The following CMYA5 variants were observed in gnomAD, a reference collection of about 807,000 sequenced individuals.
The protein encoded by CMYA5 is cardiomyopathy associated 5, also known as cardiomyopathy-associated protein 5.
A neutral mutation model predicts 318.9 loss-of-function variants in CMYA5; 246 were observed. That is an observed-to-expected ratio of 0.77 (90% CI 0.70 to 0.86). CMYA5 has a LOEUF of 0.86. Among genes scored for constraint, CMYA5 ranks in the 40% least tolerant of loss-of-function variants. The probability of loss-of-function intolerance (pLI) is 0.00; values close to 1 mark genes in which losing one functional copy is unlikely to be tolerated. For missense variants in CMYA5, 4,589 were observed against 4,678.2 expected (o/e 0.98, Z 0.56); for synonymous variants, 1,641 against 1,729.5 (o/e 0.95, Z 1.27).
intron 1 of CMYA5, among the ~76,000 whole-genome samples, chr5:79,727,463 A>G (rs978168325): frequency 6.6e-6 from 1 of 152,232 alleles, no homozygotes; most frequent in African/African-American, 2.4e-5. Context: ...ATCTAACTGT[A>G]GATTTTTTTT....
At chr5:79,719,594 T>C (rs185057897) in intron 1 of CMYA5, among the ~76,000 whole-genome samples, 1 of 152,310 alleles carries the variant, frequency 6.6e-6, no homozygotes, top group East Asian at 1.9e-4. Context: ...CACCAGCAAA[T>C]GTATTAAAGC....
At chr5:79,702,241 T>A (rs890497896) in intron 1 of CMYA5, among the ~76,000 whole-genome samples, 9 of 152,080 alleles carry the variant, frequency 5.9e-5, no homozygotes, top group Non-Finnish European at 1.0e-4. Flanking sequence ...TACAAAAAAA[T>A]TTAAAAATTA....
At chr5:79,713,291 C>T (rs901664361) in intron 1 of CMYA5, among the ~76,000 whole-genome samples, 23 of 77,926 alleles carry the variant, frequency 3.0e-4, no homozygotes, top group African/African-American at 9.8e-4. Flanking sequence ...CACCCCGCTG[C>T]ACCCCGCCCC....
chr5:79,787,335 G>T (rs569850145), intron 9 of CMYA5, among the ~76,000 whole-genome samples: 17 of 152,146 alleles, frequency 1.1e-4, no homozygotes, highest in African/African-American at 4.1e-4. Flanking sequence ...TTCAGTTCAG[G>T]CTGACTATGC....
chr5:79,752,026 A>G (rs1392869197), intron 5 of CMYA5, among the ~76,000 whole-genome samples: 2 of 152,342 alleles, frequency 1.3e-5, no homozygotes, highest in East Asian at 3.9e-4. Flanking sequence ...ATCTGGATAC[A>G]AATACTTAGA....
Position 79,730,521 on chromosome 5 carries a change from G to A in CMYA5, c.1756G>A (p.Ala586Thr). Residue 586 changes from alanine to threonine, a missense_variant, in exon 2 of 13, where the codon GCA becomes ACA. Coordinates refer to ENST00000446378, the MANE Select transcript of CMYA5 (RefSeq NM_153610.5). The stretch of plus-strand genomic sequence containing the variant: ...GTCTGAGGAAGAAAGAGAGGAAATT[G>A]CATCTGTTTCTACTGGTTCTGCTTT... ...ALSEEEREEI[A>T]SVSTGSAFVS... The A allele has an allele frequency of 6.2e-7, 1 of 1,613,920 alleles. No individual in the cohort carries two copies. The highest frequency in any genetic ancestry group is 1.3e-5 in the African/African-American group (1 of 75,044).
At position 79,689,881 on chromosome 5, in the gene CMYA5, G is replaced by C. The variant is rs1166478330; in HGVS notation, c.-27G>C. ...GCGCGGCGCGGGCGGCTCCGGCTCC[G>C]GCCCCGGCCCAGGCCCGGGAGAGGC... On this transcript the variant is annotated 5_prime_UTR_variant, in exon 1 of 13. Coordinates refer to ENST00000446378, the MANE Select transcript of CMYA5 (RefSeq NM_153610.5). The C allele has an allele frequency of 1.4e-6, 1 of 707,636 alleles. No individual in the cohort carries two copies. The highest frequency in any genetic ancestry group is 1.5e-5 in the South Asian group (1 of 64,682). 43.8% of individuals were successfully genotyped at this position (707,636 alleles called of 1,614,324 possible).
In CMYA5 at chr5:79,737,154, C is replaced by A; in HGVS notation, c.8389C>A (p.Arg2797Ser). The A allele has an allele frequency of 1.9e-5, 31 of 1,612,770 alleles. No homozygotes were observed. Among genetic ancestry groups the A allele is most frequent in the Non-Finnish European group, 2.6e-5 (31 of 1,179,500 alleles). Residue 2797 changes from arginine (R) to serine (S), a missense_variant, in exon 2 of 13, where the codon CGT becomes AGT. Physicochemically the swap from Arg to Ser is moderately radical, Grantham distance 110. Coordinates refer to ENST00000446378, the MANE Select transcript of CMYA5 (RefSeq NM_153610.5). The part of the protein sequence containing the change: ...PSKESERTLA[R>S]PFDETKSSET... ...TAAAGAATCCGAAAGGACTTTAGCTCGTCCTTTTGATGAAACTAAGAGCTC... is the reference window on the plus strand; with the variant it reads ...TAAAGAATCCGAAAGGACTTTAGCTAGTCCTTTTGATGAAACTAAGAGCTC...
intron 1 of CMYA5, among the ~76,000 whole-genome samples, chr5:79,705,418 A>ATTT (rs201773583): frequency 4.6e-4 from 69 of 148,706 alleles, no homozygotes; most frequent in East Asian, 1.4e-3. Flanking sequence ...TAGATATAGT[A>ATTT]TTTTTTTTTT....
At position 79,737,031 on chromosome 5, in the gene CMYA5, G is replaced by T; in HGVS notation, c.8266G>T (p.Asp2756Tyr). Residue 2756 changes from aspartate to tyrosine, a missense_variant, in exon 2 of 13, where the codon GAT (aspartate) becomes TAT (tyrosine). This residue lies in a region of CMYA5 where 2,431 missense variants were observed against 2,495.1 expected (regional missense o/e 0.97). Coordinates refer to ENST00000446378, the MANE Select transcript of CMYA5 (RefSeq NM_153610.5). ...VLEKSSRDMP[D>Y]HSEEKEQFKE... ...AGAAAAGTCAAGCAGAGATATGCCA[G>T]ATCACAGTGAAGAAAAAGAACAGTT... 6.2e-7 allele frequency: 1 copy of T among 1,613,662 alleles called. No individual in the cohort carries two copies. Among genetic ancestry groups the T allele is most frequent in the Non-Finnish European group, 8.5e-7 (1 of 1,179,804 alleles).
chr5:79,725,289 A>G (rs528391768), intron 1 of CMYA5, among the ~76,000 whole-genome samples: 1 of 152,376 alleles, frequency 6.6e-6, no homozygotes, highest in East Asian at 1.9e-4. Context: ...AGCCATAAAT[A>G]AGAATTAAAT....
chr5:79,790,961 C>T lies in CMYA5; in HGVS notation c.11690-9C>T. 1 of 1,599,342 alleles carries T rather than the reference C, an allele frequency of 6.3e-7. No individual in the cohort carries two copies. The highest frequency in any genetic ancestry group is 2.2e-5 in the East Asian group (1 of 44,820). Reference sequence around the variant, plus strand: ...CAATGTTTTAATACTATTTTCTCACCTGCAATAGGAACCAGATTTCTCTTG... The same window carrying T: ...CAATGTTTTAATACTATTTTCTCACTTGCAATAGGAACCAGATTTCTCTTG... On this transcript the variant is annotated splice_polypyrimidine_tract_variant and intron_variant, in intron 10 of 12. Transcript: ENST00000446378.
At chr5:79,758,528 T>G (rs1476202225) in intron 6 of CMYA5, among the ~76,000 whole-genome samples, 1 of 151,266 alleles carries the variant, frequency 6.6e-6, no homozygotes, top group African/African-American at 2.4e-5. Context: ...TGAGACTCAG[T>G]CTCAAAAATA....
intron 1 of CMYA5, among the ~76,000 whole-genome samples, chr5:79,712,473 G>A (rs1480413332): frequency 6.6e-6 from 1 of 151,546 alleles, no homozygotes. Context: ...TCAGCCTCCC[G>A]AAGTTCTAGG....
rs748965241 is a variant in CMYA5 at position 79,735,423 on chromosome 5, G to C, written c.6658G>C (p.Glu2220Gln). ...VEKAVTVIDP[E>Q]GTIPTNFNVA... is the part of the protein sequence containing the mutation. ...AAAAGCAGTGACTGTGATAGATCCT[G>C]AAGGTACAATTCCCACCAATTTTAA... The change falls in exon 2 of 13, where the codon GAA (glutamate) becomes CAA (glutamine). Residue 2220 changes from glutamate (E) to glutamine (Q), a missense_variant. By Grantham distance (29) the Glu-to-Gln change is conservative. Around this residue, in one of 3 missense-constraint regions of CMYA5, gnomAD observed 2,431 missense variants for 2,495.1 expected, o/e 0.97. Transcript: ENST00000446378. 6.2e-7 allele frequency: 1 copy of C among 1,613,876 alleles called. No individual in the cohort carries two copies. The highest frequency in any genetic ancestry group is 1.1e-5 in the South Asian group (1 of 91,066).
rs1193500134 is a variant in CMYA5 at position 79,734,436 on chromosome 5, G to A, written c.5671G>A (p.Asp1891Asn). Residue 1891 changes from aspartate (D) to asparagine (N), a missense_variant, in exon 2 of 13, where the codon GAT becomes AAT. By Grantham distance (23) the Asp-to-Asn change is conservative. This residue lies in a region of CMYA5 where 26 missense variants were observed against 51.8 expected (regional missense o/e 0.50). Coordinates refer to ENST00000446378, the MANE Select transcript of CMYA5 (RefSeq NM_153610.5). Reference sequence around the variant, plus strand: ...GGAAGAATTCTTTATTTCTCCAAAGGATGAAAACTGGATGTTGGGAAAGCC... The same window carrying A: ...GGAAGAATTCTTTATTTCTCCAAAGAATGAAAACTGGATGTTGGGAAAGCC... ...KMEEFFISPK[D>N]ENWMLGKPEN... is the part of the protein sequence containing the mutation. 6.2e-7 allele frequency: 1 copy of A among 1,613,698 alleles called. No individual in the cohort carries two copies.
At chr5:79,699,893 G>A (rs1389984473) in intron 1 of CMYA5, among the ~76,000 whole-genome samples, 1 of 152,184 alleles carries the variant, frequency 6.6e-6, no homozygotes, top group Non-Finnish European at 1.5e-5. Context: ...TTACATACTT[G>A]ACTCATTAAA....
intron 11 of CMYA5, 88 bp from the exon 12 acceptor site, chr5:79,793,349 A>C: frequency 7.5e-7 from 1 of 1,326,198 alleles, no homozygotes; most frequent in Non-Finnish European, 1.1e-6. Context: ...ATCCTGCCTA[A>C]ACTGTGTGAG....
At chr5:79,761,230 CTTAGAG>C (rs1018716916) in intron 7 of CMYA5, among the ~76,000 whole-genome samples, 6 of 152,106 alleles carry the variant, frequency 3.9e-5, no homozygotes, top group Non-Finnish European at 7.4e-5. Flanking sequence ...AAAGTTACTT[CTTAGAG>C]TAGCTTATGA....
Sources: allele counts gnomAD v4.1 joint callset (sites outside exome capture counted in the v4.1 genomes callset), GRCh38; gene constraint gnomAD v4.1.1; regional missense constraint gnomAD v4.1.1; transcripts MANE v1.5; gene names NCBI Gene and HGNC (gene_info 2026-07-23, HGNC 2026-07-21).